USP8: variants seen among roughly 807,000 people sequenced by gnomAD.
USP8 encodes the protein ubiquitin specific peptidase 8, also known as ubiquitin carboxyl-terminal hydrolase 8.
Under a neutral mutation model 130.0 loss-of-function variants are expected in USP8, and 27 were observed. The ratio of observed to expected loss-of-function variants is 0.21; its 90% CI spans 0.15 to 0.29. USP8 has a LOEUF of 0.29. Among genes scored for constraint, USP8 ranks in the 10% least tolerant of loss-of-function variants. The probability of loss-of-function intolerance (pLI) is 1.00; values close to 1 mark genes in which losing one functional copy is unlikely to be tolerated. For synonymous variants in USP8, 392 were observed against 444.1 expected (o/e 0.88, Z 1.48); for missense variants, 1,029 against 1,312.2 (o/e 0.78, Z 3.33).
chr15:50,457,748 C>G (rs2050839015), intron 4 of USP8, among the ~76,000 whole-genome samples: 1 of 150,702 alleles, frequency 6.6e-6, no homozygotes, highest in African/African-American at 2.4e-5. Context: ...CTAGTCCCAG[C>G]TACTCAGGAG....
intron 3 of USP8, among the ~76,000 whole-genome samples, chr15:50,446,029 C>T (rs186736789): frequency 4.6e-5 from 7 of 152,030 alleles, no homozygotes; most frequent in East Asian, 3.9e-4. Context: ...ATTAGTGTAG[C>T]GAATTCTAGA....
intron 3 of USP8, among the ~76,000 whole-genome samples, chr15:50,445,370 AC>A (rs1343147887): frequency 1.3e-5 from 2 of 148,844 alleles, no homozygotes; most frequent in Non-Finnish European, 3.0e-5. Flanking sequence ...ACATGGTGAA[AC>A]CCCATCTCTA....
At chr15:50,480,697 T>C (rs1203709952) in intron 10 of USP8, among the ~76,000 whole-genome samples, 2 of 152,056 alleles carry the variant, frequency 1.3e-5, no homozygotes, top group Non-Finnish European at 1.5e-5. Flanking sequence ...TAGGCAGATG[T>C]AAGACCATAC....
Position 50,499,731 on chromosome 15 carries a change from G to A in USP8, c.*643G>A, listed in dbSNP as rs1214593706. On this transcript the variant is annotated 3_prime_UTR_variant, in exon 20 of 20. Coordinates refer to ENST00000307179, the MANE Select transcript of USP8 (RefSeq NM_005154.5). ...ATGGAAACTTTAATTTTTTTAAAAC[G>A]AGAATTTCATTTACAGCTACATTAA... is the stretch of plus-strand genomic sequence containing the variant. The A allele has an allele frequency of 1.3e-5, 2 of 151,750 alleles. No homozygotes were observed. The highest frequency in any genetic ancestry group is 2.4e-5 in the African/African-American group (1 of 41,442). The allele number at this position is 151,750 out of a possible 1,614,324, so 9.4% of individuals were successfully genotyped here. A position where few individuals can be genotyped will look rare whatever the true frequency, so the allele number is the denominator to read the frequency against.
chr15:50,473,703 T>G (rs1012010536), intron 8 of USP8, among the ~76,000 whole-genome samples: 2 of 151,950 alleles, frequency 1.3e-5, no homozygotes, highest in African/African-American at 4.8e-5. Context: ...ATTGCTATGT[T>G]GCCCAGGCTA....
At chr15:50,439,858 T>G (rs2050199188) in intron 2 of USP8, among the ~76,000 whole-genome samples, 1 of 151,000 alleles carries the variant, frequency 6.6e-6, no homozygotes, top group African/African-American at 2.4e-5. Context: ...GAGGCCAAGG[T>G]GGGCGGATCA....
chr15:50,486,241 G>C (rs536631800), intron 12 of USP8, among the ~76,000 whole-genome samples: 1 of 152,274 alleles, frequency 6.6e-6, no homozygotes, highest in Non-Finnish European at 1.5e-5. Flanking sequence ...CCAGCACTTT[G>C]GGAGGCTGAG....
In USP8 at chr15:50,503,502, CCA is replaced by C. The variant is rs1263457300; in HGVS notation, c.*4417_*4418del. The C allele has an allele frequency of 6.6e-6, 1 of 152,186 alleles. No homozygotes were observed. Among genetic ancestry groups the C allele is most frequent in the Non-Finnish European group, 1.5e-5 (1 of 68,056 alleles). 9.4% of individuals were successfully genotyped at this position (152,186 alleles called of 1,614,324 possible). A position where few individuals can be genotyped will look rare whatever the true frequency, so the allele number is the denominator to read the frequency against. The stretch of plus-strand genomic sequence containing the variant: ...ACAAGGTGAGAAGTTGGATTGAGAT[CCA>C]CATACAAAGCCAGGACCTTTAAAGA... On this transcript the variant is annotated 3_prime_UTR_variant, in exon 20 of 20. Transcript: ENST00000307179.
intron 7 of USP8, among the ~76,000 whole-genome samples, chr15:50,468,528 C>T (rs2051272235): frequency 6.6e-6 from 1 of 152,166 alleles, no homozygotes; most frequent in South Asian, 2.1e-4. Context: ...CAGGTGTGAG[C>T]CACGGTGCCC....
intron 5 of USP8, 147 bp downstream of exon 5, chr15:50,459,309 C>T: frequency 2.6e-6 from 3 of 1,140,780 alleles, no homozygotes; most frequent in Admixed American, 6.4e-5. Flanking sequence ...TAAGGCTGGG[C>T]ACGGTGGCTC....
chr15:50,484,336 A>T lies in USP8; in HGVS notation c.1865A>T (p.Asp622Val). 6.2e-7 allele frequency: 1 copy of T among 1,612,392 alleles called. No individual in the cohort carries two copies. The highest frequency in any genetic ancestry group is 8.5e-7 in the Non-Finnish European group (1 of 1,179,400). The change falls in exon 12 of 20, where the codon GAT becomes GTT. Residue 622 changes from aspartate to valine, a missense_variant. Around this residue, in one of 4 missense-constraint regions of USP8, gnomAD observed 486 missense variants for 522.0 expected, o/e 0.93. Transcript: ENST00000307179. ...GILRTGTFREDTDDTERNKAQ... is the reference protein window; with the variant it reads ...GILRTGTFREVTDDTERNKAQ... ...CTAAGGACAGGAACTTTTAGAGAGG[A>T]TACAGACGATACCGAAAGAAATAAA... is the stretch of plus-strand genomic sequence containing the variant.
chr15:50,481,881 C>T lies in USP8; in HGVS notation c.1619C>T (p.Thr540Ile). Reference sequence around the variant, plus strand: ...CAGGCCAAGAAAGAAGATAAAGAAACCTCAGCAAAGAGGGGCAAAGAAATA... The same window carrying T: ...CAGGCCAAGAAAGAAGATAAAGAAATCTCAGCAAAGAGGGGCAAAGAAATA... ...SEQAKKEDKE[T>I]SAKRGKEITG... The change falls in exon 11 of 20, where the codon ACC (threonine) becomes ATC (isoleucine). Residue 540 changes from threonine (T) to isoleucine (I), a missense_variant. Physicochemically the swap from Thr to Ile is moderately conservative, Grantham distance 89. Transcript: ENST00000307179. 1 of 1,564,306 alleles carries T rather than the reference C, an allele frequency of 6.4e-7. No homozygotes were observed. Among genetic ancestry groups the T allele is most frequent in the South Asian group, 1.2e-5 (1 of 83,268 alleles).
chr15:50,478,307 T>A (rs1383197157), intron 10 of USP8, among the ~76,000 whole-genome samples: 124 of 152,300 alleles, frequency 8.1e-4, no homozygotes, highest in Non-Finnish European at 4.4e-5. Context: ...AATAAAAAAA[T>A]TTTAGTTTTT....
intron 4 of USP8, among the ~76,000 whole-genome samples, chr15:50,450,462 C>CTTTTTTTTTTTTTTTT (rs35800074): frequency 8.7e-5 from 7 of 80,456 alleles, no homozygotes; most frequent in South Asian, 9.8e-4. Context: ...GTTAGTCATT[C>CTTTTTTTTTTTTTTTT]TTTTTTTTTT....
In USP8 at chr15:50,481,833, A is replaced by G. The variant is rs1363883900; in HGVS notation, c.1571A>G (p.Glu524Gly). Residue 524 changes from glutamate to glycine, a missense_variant, in exon 11 of 20, where the codon GAA becomes GGA. Glu to Gly is a moderately conservative substitution (Grantham distance 98). This residue lies in a region of USP8 where 486 missense variants were observed against 522.0 expected (regional missense o/e 0.93). Coordinates refer to ENST00000307179, the MANE Select transcript of USP8 (RefSeq NM_005154.5). The part of the protein sequence containing the change: ...ITEKQQKAKE[E>G]MEKKESEQAK... Reference sequence around the variant, plus strand: ...GAGAAGCAACAAAAAGCAAAAGAAGAAATGGAGAAGAAAGAAAGTGAACAG... The same window carrying G: ...GAGAAGCAACAAAAAGCAAAAGAAGGAATGGAGAAGAAAGAAAGTGAACAG... 6.5e-6 allele frequency: 10 copies of G among 1,527,150 alleles called. No homozygotes were observed. Among genetic ancestry groups the G allele is most frequent in the African/African-American group, 1.4e-5 (1 of 70,850 alleles). The allele number at this position is 1,527,150 out of a possible 1,614,324, so 94.6% of individuals were successfully genotyped here.
At chr15:50,495,822 T>A (rs2052378062) in intron 16 of USP8, 26 bp from the exon 17 acceptor site, 1 of 1,552,322 alleles carries the variant, frequency 6.4e-7, no homozygotes, top group East Asian at 2.3e-5. Flanking sequence ...GATATTAATA[T>A]AGAGCTTAAA....
chr15:50,429,273 C>G (rs1490798673), intron 1 of USP8, among the ~76,000 whole-genome samples: 5 of 146,496 alleles, frequency 3.4e-5, no homozygotes, highest in South Asian at 2.1e-4. Flanking sequence ...AATTTCAGAA[C>G]AAGAGTTATG....
Position 50,481,600 on chromosome 15 carries a change from C to T in USP8, c.1338C>T (p.Thr446=). The T allele has an allele frequency of 3.1e-6, 5 of 1,614,008 alleles. No homozygotes were observed. The highest frequency in any genetic ancestry group is 4.2e-6 in the Non-Finnish European group (5 of 1,180,000). ...GAAAAGTTATTCCTGATCGTTCCAC[C>T]AAGCCAGTAGTTTTTTCTCCAACTC... ...QSGKVIPDRS[T]KPVVFSPTLM... is the part of the protein sequence containing the mutation. The change falls in exon 11 of 20, where the codon ACC becomes ACT. Residue 446 remains threonine, a synonymous_variant. Coordinates refer to ENST00000307179, the MANE Select transcript of USP8 (RefSeq NM_005154.5).
chr15:50,464,555 T>G (rs555097749), intron 6 of USP8, among the ~76,000 whole-genome samples: 4 of 152,314 alleles, frequency 2.6e-5, no homozygotes, highest in African/African-American at 9.6e-5. Context: ...GGTTTCTTGA[T>G]AAATGTTAAA....
Sources: allele counts gnomAD v4.1 joint callset (sites outside exome capture counted in the v4.1 genomes callset), GRCh38; gene constraint gnomAD v4.1.1; regional missense constraint gnomAD v4.1.1; transcripts MANE v1.5; gene names NCBI Gene and HGNC (gene_info 2026-07-23, HGNC 2026-07-21).